The following GALNTL6 variants were observed in gnomAD, a reference collection of about 807,000 sequenced individuals.
GALNTL6 encodes the protein polypeptide N-acetylgalactosaminyltransferase like 6.
In GALNTL6, 46 loss-of-function variants were observed where a neutral mutation model predicts 73.7. The observed-to-expected ratio is 0.62, with a 90% confidence interval of 0.49 to 0.80. The LOEUF is 0.80. GALNTL6 is among the 30% of genes least tolerant of loss of function. GALNTL6 has a pLI of 0.00. For synonymous variants in GALNTL6, 259 were observed against 263.7 expected (o/e 0.98, Z 0.17); for missense variants, 604 against 755.0 (o/e 0.80, Z 2.34).
intron 3 of GALNTL6, among the ~76,000 whole-genome samples, chr4:172,245,979 G>C (rs1737643940): frequency 6.6e-6 from 1 of 152,028 alleles, no homozygotes; most frequent in African/African-American, 2.4e-5. Flanking sequence ...ATATAACATA[G>C]AGCATCCTCT....
chr4:172,797,291 C>T (rs181132165), intron 5 of GALNTL6, among the ~76,000 whole-genome samples: 210 of 152,150 alleles, frequency 1.4e-3, no homozygotes, highest in African/African-American at 4.3e-3. Flanking sequence ...CTTGCTCTGT[C>T]CCGCAGGTTG....
chr4:172,302,868 C>G (rs933456480), intron 3 of GALNTL6, among the ~76,000 whole-genome samples: 1 of 151,684 alleles, frequency 6.6e-6, no homozygotes, highest in African/African-American at 2.4e-5. Context: ...CTATATGTCT[C>G]ATTTGTTATA....
chr4:172,359,495 T>C (rs370850631), intron 5 of GALNTL6, among the ~76,000 whole-genome samples: 38 of 152,276 alleles, frequency 2.5e-4, no homozygotes, highest in African/African-American at 4.8e-4. Flanking sequence ...CATGTACCCC[T>C]GAAACGAAAA....
chr4:172,101,247 G>T (rs948322546), intron 2 of GALNTL6, among the ~76,000 whole-genome samples: 11 of 152,004 alleles, frequency 7.2e-5, no homozygotes, highest in Non-Finnish European at 1.0e-4. Flanking sequence ...TAGGATCCAG[G>T]AATCCTGCCT....
intron 2 of GALNTL6, among the ~76,000 whole-genome samples, chr4:172,107,556 C>T (rs983674676): frequency 1.3e-5 from 2 of 151,292 alleles, no homozygotes; most frequent in Non-Finnish European, 2.9e-5. Context: ...AGCCATCATT[C>T]TCAGCAAATT....
At chr4:172,489,961 A>G (rs181717494) in intron 5 of GALNTL6, among the ~76,000 whole-genome samples, 2 of 152,308 alleles carry the variant, frequency 1.3e-5, no homozygotes, top group Admixed American at 6.5e-5. Context: ...AAATGTGGGT[A>G]AAAAATCTGC....
At chr4:172,548,641 A>G (rs931541379) in intron 5 of GALNTL6, among the ~76,000 whole-genome samples, 1 of 152,210 alleles carries the variant, frequency 6.6e-6, no homozygotes, top group Non-Finnish European at 1.5e-5. Context: ...GATTGCTTTC[A>G]TATTTATAAC....
intron 6 of GALNTL6, among the ~76,000 whole-genome samples, chr4:172,810,900 T>C (rs1741258733): frequency 2.0e-5 from 3 of 152,160 alleles, no homozygotes; most frequent in African/African-American, 7.2e-5. Context: ...GCCTAATTTA[T>C]TTATGAACCA....
intron 9 of GALNTL6, among the ~76,000 whole-genome samples, chr4:172,944,017 G>T (rs559335828): frequency 2.0e-5 from 3 of 152,178 alleles, no homozygotes; most frequent in South Asian, 2.1e-4. Context: ...GACTTTAAAT[G>T]TAAAGGATAC....
intron 2 of GALNTL6, among the ~76,000 whole-genome samples, chr4:171,971,027 T>C (rs1232227652): frequency 6.6e-6 from 1 of 152,190 alleles, no homozygotes. Context: ...GGCCAAAACA[T>C]TGAAATAAGC....
At chr4:172,483,737 G>T (rs1733574509) in intron 5 of GALNTL6, among the ~76,000 whole-genome samples, 1 of 152,128 alleles carries the variant, frequency 6.6e-6, no homozygotes, top group Non-Finnish European at 1.5e-5. Flanking sequence ...GGTAACTTAA[G>T]ATACAAGGGG....
chr4:173,025,348 C>G (rs973171674), intron 12 of GALNTL6, among the ~76,000 whole-genome samples: 6 of 152,184 alleles, frequency 3.9e-5, no homozygotes, highest in Admixed American at 3.3e-4. Context: ...AGGAAACTGT[C>G]TTTCCTCTTC....
At chr4:172,056,333 T>C (rs1248294453) in intron 2 of GALNTL6, among the ~76,000 whole-genome samples, 2 of 152,214 alleles carry the variant, frequency 1.3e-5, no homozygotes, top group East Asian at 3.8e-4. Context: ...TTGTGTAGCA[T>C]TCTTTCGTAT....
At chr4:172,590,016 G>A (rs1468060672) in intron 5 of GALNTL6, among the ~76,000 whole-genome samples, 1 of 152,266 alleles carries the variant, frequency 6.6e-6, no homozygotes, top group Non-Finnish European at 1.5e-5. Flanking sequence ...GGGACTCAGA[G>A]GCCCATGGTA....
At chr4:172,609,290 T>C (rs1223642733) in intron 5 of GALNTL6, among the ~76,000 whole-genome samples, 1 of 152,208 alleles carries the variant, frequency 6.6e-6, no homozygotes. Flanking sequence ...TTGTCATAGA[T>C]GGCTCTTATT....
intron 5 of GALNTL6, among the ~76,000 whole-genome samples, chr4:172,484,770 C>T (rs1382029162): frequency 1.3e-5 from 2 of 152,084 alleles, no homozygotes; most frequent in Non-Finnish European, 2.9e-5. Context: ...TCTCCATTTA[C>T]ACACAAAACA....
chr4:172,256,488 A>G (rs1738083671), intron 3 of GALNTL6, among the ~76,000 whole-genome samples: 1 of 151,422 alleles, frequency 6.6e-6, no homozygotes, highest in African/African-American at 2.4e-5. Flanking sequence ...TATAAAATCC[A>G]AACTTCTTAA....
chr4:172,106,062 G>A (rs1281957241), intron 2 of GALNTL6, among the ~76,000 whole-genome samples: 1 of 152,114 alleles, frequency 6.6e-6, no homozygotes, highest in Non-Finnish European at 1.5e-5. Context: ...GTCTATTTGG[G>A]TGTTAAACAC....
intron 5 of GALNTL6, among the ~76,000 whole-genome samples, chr4:172,688,701 C>G (rs989612133): frequency 6.6e-6 from 1 of 152,190 alleles, no homozygotes; most frequent in Non-Finnish European, 1.5e-5. Context: ...GCAGGCCACT[C>G]TGTCAAACAC....
Sources: allele counts gnomAD v4.1 joint callset (sites outside exome capture counted in the v4.1 genomes callset), GRCh38; gene constraint gnomAD v4.1.1; transcripts MANE v1.5; gene names NCBI Gene and HGNC (gene_info 2026-07-23, HGNC 2026-07-21).